Variants in NBPF26 observed in about 807,000 individuals in gnomAD.
NBPF26 encodes NBPF family member NBPF26.
In NBPF26, 79 loss-of-function variants were observed where a neutral mutation model predicts 119.6. The ratio of observed to expected loss-of-function variants is 0.66; its 90% CI spans 0.55 to 0.80. The LOEUF (loss-of-function observed/expected upper bound fraction) is 0.80. NBPF26 is among the 30% of genes least tolerant of loss of function. The pLI, the probability that NBPF26 is intolerant of heterozygous loss-of-function variation, is 0.00. For synonymous variants in NBPF26, 299 were observed against 457.7 expected, an observed-to-expected ratio of 0.65 and a Z score of 4.43; for missense variants, 800 against 1,198.2, an observed-to-expected ratio of 0.67 and a Z score of 4.91.
chr1:120,770,474 C>T lies in NBPF26; in HGVS notation c.155+6765C>T, dbSNP rs1333110982. Among the ~76,000 whole-genome samples the T allele has an allele frequency of 9.7e-5, 11 of 113,954 alleles. 1 individual carries two copies. Among genetic ancestry groups the T allele is most frequent in the Non-Finnish European group, 1.3e-4 (8 of 60,306 alleles). The allele number at this position is 113,954 out of a possible 152,430, so 74.8% of individuals were successfully genotyped here. A position where few individuals can be genotyped will look rare whatever the true frequency, so the allele number is the denominator to read the frequency against. On this transcript the variant is annotated intron_variant, in intron 2 of 29. Coordinates refer to ENST00000620612, the Ensembl canonical transcript of NBPF26. ...GTGAGCCACCACACCCAGCCGAGGACATAGGTTTTTTTATGCCAGATAGAC... is the reference window on the plus strand; with the variant it reads ...GTGAGCCACCACACCCAGCCGAGGATATAGGTTTTTTTATGCCAGATAGAC...
chr1:120,830,328 G>A (rs1414059048), intron 19 of NBPF26, 88 bp from the exon 24 acceptor site: 1 of 542,804 alleles, frequency 1.8e-6, no homozygotes, highest in Admixed American at 3.2e-5. Context: ...TTTTTAAACA[G>A]TTCCTTATGT....
chr1:120,724,131 C>A, exon 1 of NBPF26: 1 of 1,338,010 alleles, frequency 7.5e-7, no homozygotes, highest in Non-Finnish European at 9.7e-7. Flanking sequence ...TCTGCCCAGG[C>A]GGCGGCGGCG....
At chr1:120,783,584 C>G (rs1236215060) in intron 2 of NBPF26, among the ~76,000 whole-genome samples, 1 of 82,474 alleles carries the variant, frequency 1.2e-5, no homozygotes, top group East Asian at 2.8e-4. Context: ...AGTGGCAGCA[C>G]ATATTAGGAT....
At position 120,759,774 on chromosome 1, in the gene NBPF26, C is replaced by T. The variant is rs1163420553; in HGVS notation, c.74-3854C>T. On this transcript the variant is annotated intron_variant, in intron 1 of 29. Transcript: ENST00000620612. ...AAAGTGATGTTATAATTTGCTAATACAATGTAGAACAATTAAAAGGTAGTG... is the reference window on the plus strand; with the variant it reads ...AAAGTGATGTTATAATTTGCTAATATAATGTAGAACAATTAAAAGGTAGTG... Among the ~76,000 whole-genome samples the T allele has an allele frequency of 7.3e-3, 836 of 115,242 alleles. 333 individuals are homozygous for T. The highest frequency in any genetic ancestry group is 0.043 in the African/African-American group (818 of 19,004). The allele number at this position is 115,242 out of a possible 152,430, so 75.6% of individuals were successfully genotyped here.
chr1:120,788,379 A>G (rs1270831138), intron 3 of NBPF26, among the ~76,000 whole-genome samples: 5 of 83,252 alleles, frequency 6.0e-5, no homozygotes, highest in African/African-American at 4.5e-4. Flanking sequence ...TGGTGGCAGC[A>G]TTCCTCCCTC....
chr1:120,728,832 A>G (rs1650844551), intron 1 of NBPF26, among the ~76,000 whole-genome samples: 1 of 111,350 alleles, frequency 9.0e-6, no homozygotes, highest in Non-Finnish European at 1.7e-5. Flanking sequence ...TTTTGAACCA[A>G]GAGAGTCCCC....
At chr1:120,745,176 G>A (rs1192526075) in intron 1 of NBPF26, among the ~76,000 whole-genome samples, 3 of 106,546 alleles carry the variant, frequency 2.8e-5, no homozygotes, top group African/African-American at 1.7e-4. Flanking sequence ...CTGTCTAATT[G>A]CAAAGCCACA....
chr1:120,790,520 C>T (rs1260946066), intron 3 of NBPF26, among the ~76,000 whole-genome samples: 2 of 112,326 alleles, frequency 1.8e-5, no homozygotes, highest in Non-Finnish European at 3.4e-5. Flanking sequence ...TTGATTCTTT[C>T]TTTCTTTCTC....
At chr1:120,779,025 CT>C (rs1651333165) in intron 2 of NBPF26, among the ~76,000 whole-genome samples, 1 of 52,310 alleles carries the variant, frequency 1.9e-5, no homozygotes, top group Non-Finnish European at 3.0e-5. Context: ...TGGTTTTCAT[CT>C]GCTTAAGTGA....
exon 14 of NBPF26, chr1:120,816,719 C>G: frequency 8.1e-7 from 1 of 1,233,868 alleles, no homozygotes; most frequent in South Asian, 1.3e-5. Context: ...TGACTGCAAC[C>G]AGCCACATAG....
intron 2 of NBPF26, among the ~76,000 whole-genome samples, chr1:120,778,031 T>G (rs1651317813): frequency 2.3e-5 from 2 of 85,930 alleles, no homozygotes; most frequent in South Asian, 3.5e-4. Context: ...CATAGGAACT[T>G]TCACTGGTTC....
Position 120,805,683 on chromosome 1 carries a change from C to G in NBPF26, c.879C>G (p.Asn293Lys), listed in dbSNP as rs1651665248. 6.2e-6 allele frequency: 9 copies of G among 1,458,620 alleles called. 2 individuals are homozygous for G. The highest frequency in any genetic ancestry group is 4.2e-5 in the African/African-American group (2 of 47,812). 90.4% of individuals were successfully genotyped at this position (1,458,620 alleles called of 1,614,324 possible). A position where few individuals can be genotyped will look rare whatever the true frequency, so the allele number is the denominator to read the frequency against. Residue 293 changes from asparagine (N) to lysine (K), a missense_variant, in exon 5 of 30, where the codon AAC (asparagine) becomes AAG (lysine). Asn to Lys is a moderately conservative substitution (Grantham distance 94, BLOSUM62 0). Coordinates refer to ENST00000620612, the Ensembl canonical transcript of NBPF26. Reference sequence around the variant, plus strand: ...CATTGCGCCCCCAGCTGCCAGAGAACAAACAGCAGTTGAGAAACCTCAAAG... The same window carrying G: ...CATTGCGCCCCCAGCTGCCAGAGAAGAAACAGCAGTTGAGAAACCTCAAAG...
chr1:120,812,913 A>G (rs1483284691), intron 10 of NBPF26, among the ~76,000 whole-genome samples: 1 of 90,420 alleles, frequency 1.1e-5, no homozygotes, highest in African/African-American at 6.9e-5. Context: ...ACAGGGCAAG[A>G]CTGCTAAAAA....
chr1:120,815,073 A>G, intron 12 of NBPF26, 30 bp downstream of exon 12: 1 of 1,094,742 alleles, frequency 9.1e-7, no homozygotes, highest in Non-Finnish European at 1.3e-6. Flanking sequence ...TGATGACCCA[A>G]AATCCCAGGC....
intron 11 of NBPF26, 49 bp from the exon 12 acceptor site, chr1:120,814,780 A>G (rs1651969430): frequency 1.8e-6 from 2 of 1,132,844 alleles, no homozygotes; most frequent in South Asian, 1.3e-5. Context: ...ATTTGAGCGG[A>G]TCACTCAACC....
Position 120,777,898 on chromosome 1 carries a change from C to G in NBPF26, c.156-7076C>G, listed in dbSNP as rs1651316326. On this transcript the variant is annotated intron_variant, in intron 2 of 29. Transcript: ENST00000620612. ...CAGGAGGTACTGAAAGGAGGGAGAC[C>G]AGTGAGTTTAGACCAATAGGTGGGT... is the stretch of plus-strand genomic sequence containing the variant. 2.0e-5 allele frequency among the ~76,000 whole-genome samples: 2 copies of G among 102,232 alleles called. 1 individual carries two copies. The highest frequency in any genetic ancestry group is 1.3e-4 in the African/African-American group (2 of 15,778). The allele number at this position is 102,232 out of a possible 152,430, so 67.1% of individuals were successfully genotyped here.
intron 17 of NBPF26, among the ~76,000 whole-genome samples, chr1:120,823,710 T>A (rs1468314747): frequency 8.7e-6 from 1 of 114,588 alleles, no homozygotes; most frequent in Admixed American, 8.4e-5. Context: ...GTCCTTTGAC[T>A]CCCTCATCAG....
At chr1:120,840,700 G>C, downstream of NBPF26, 3 of 1,296,392 alleles carry the variant, frequency 2.3e-6, 1 homozygote, top group Non-Finnish European at 3.1e-6. Context: ...ACATAGGATG[G>C]TTCAGTGGGC....
In NBPF26 at chr1:120,811,308, G is replaced by T. The variant is rs1453988002; in HGVS notation, c.1565-578G>T. 4.6e-5 allele frequency among the ~76,000 whole-genome samples: 5 copies of T among 109,330 alleles called. 2 individuals carry two copies. Among genetic ancestry groups the T allele is most frequent in the Non-Finnish European group, 8.8e-5 (5 of 56,792 alleles). 71.7% of individuals were successfully genotyped at this position (109,330 alleles called of 152,430 possible). ...ACATCTTAATCCCAACACTTTGGGA[G>T]GCCGAGGTGGGCGGAACACCTGAGC... On this transcript the variant is annotated intron_variant, in intron 9 of 29. Coordinates refer to ENST00000620612, the Ensembl canonical transcript of NBPF26.
Sources: gnomAD v4.1 joint callset for allele counts (sites outside exome capture counted in the v4.1 genomes callset) on GRCh38, gnomAD v4.1.1 for gene constraint, MANE v1.5 for transcripts, NCBI Gene and HGNC (gene_info 2026-07-23, HGNC 2026-07-21) for gene names.